The following TRAP1 variants were observed in gnomAD, a reference collection of about 807,000 sequenced individuals.
TRAP1 encodes the protein heat shock protein 75 kDa, mitochondrial.
In TRAP1, 102 loss-of-function variants were observed where a neutral mutation model predicts 89.1. The ratio of observed to expected loss-of-function variants is 1.15; its 90% confidence interval spans 0.98 to 1.35. The LOEUF is 1.35. TRAP1 is among the 40% of genes most tolerant of loss of function. The pLI, the probability that TRAP1 is intolerant of heterozygous loss-of-function variation, is 0.00. For synonymous variants in TRAP1, 508 were observed against 388.0 expected, an observed-to-expected ratio of 1.31 and a Z score of -3.64; for missense variants, 1,256 against 945.3, an observed-to-expected ratio of 1.33 and a Z score of -4.31.
chr16:3,663,409 G>A lies in TRAP1; in HGVS notation c.1708+15C>T, dbSNP rs1355096247. On this transcript the variant is annotated intron_variant, in intron 14 of 17. Transcript: ENST00000246957. The stretch of plus-strand genomic sequence containing the variant: ...TGGAAACCAGCCCCACGCCTAGAGA[G>A]CAGGGGATGCCGACCTGGGGACCTG... The A allele has an allele frequency of 6.2e-7, 1 of 1,614,052 alleles. No individual in the cohort carries two copies. The highest frequency in any genetic ancestry group is 1.1e-5 in the South Asian group (1 of 91,090).
intron 7 of TRAP1, 79 bp downstream of exon 7, chr16:3,675,957 G>C (rs1567231200): frequency 1.6e-6 from 2 of 1,286,084 alleles, no homozygotes; most frequent in Admixed American, 4.0e-5. Flanking sequence ...GGTAGAACCA[G>C]GGAAAATGCC....
At chr16:3,673,843 G>C (rs959007867) in intron 9 of TRAP1, among the ~76,000 whole-genome samples, 2 of 147,606 alleles carry the variant, frequency 1.4e-5, no homozygotes, top group African/African-American at 5.1e-5. Flanking sequence ...GGAGGGTGTG[G>C]AGGAAGCACA....
chr16:3,659,289 C>G, intron 16 of TRAP1: 1 of 166,062 alleles, frequency 6.0e-6, no homozygotes, highest in South Asian at 1.5e-4. Flanking sequence ...CACTGAGTGT[C>G]TGATGAGGAC....
chr16:3,662,282 AC>A, intron 15 of TRAP1, 150 bp from the exon 16 acceptor site: 1 of 927,772 alleles, frequency 1.1e-6, no homozygotes, highest in Non-Finnish European at 1.6e-6. Context: ...CCTCCCCATT[AC>A]CCACTAACTT....
chr16:3,713,354 A>C (rs1362983676), intron 1 of TRAP1, among the ~76,000 whole-genome samples: 1 of 152,204 alleles, frequency 6.6e-6, no homozygotes. Flanking sequence ...AGCGGGGTCC[A>C]GGTGAGGCTC....
At chr16:3,695,697 A>G (rs887437730) in intron 1 of TRAP1, among the ~76,000 whole-genome samples, 1 of 152,160 alleles carries the variant, frequency 6.6e-6, no homozygotes, top group African/African-American at 2.4e-5. Flanking sequence ...GACTTCAGAA[A>G]ATAGCACTTT....
intron 1 of TRAP1, among the ~76,000 whole-genome samples, chr16:3,714,711 AG>A (rs1416525960): frequency 6.6e-6 from 1 of 152,142 alleles, no homozygotes; most frequent in East Asian, 1.9e-4. Context: ...TGGCAGTGTC[AG>A]GGGTCAGTGA....
intron 1 of TRAP1, among the ~76,000 whole-genome samples, chr16:3,709,391 A>C (rs1302473328): frequency 1.3e-5 from 2 of 152,212 alleles, no homozygotes; most frequent in African/African-American, 4.8e-5. Context: ...TCACTACCAG[A>C]TTGACAGATG....
intron 14 of TRAP1, chr16:3,663,176 A>C: frequency 1.5e-6 from 1 of 660,046 alleles, no homozygotes; most frequent in African/African-American, 1.8e-5. Flanking sequence ...CTTTAAAAAA[A>C]TACACAGCCT....
Position 3,717,517 on chromosome 16 carries a change from C to A in TRAP1, c.-9G>T. The A allele has an allele frequency of 7.4e-7, 1 of 1,357,244 alleles. No individual in the cohort carries two copies. Among genetic ancestry groups the A allele is most frequent in the South Asian group, 1.7e-5 (1 of 59,588 alleles). The allele number at this position is 1,357,244 out of a possible 1,614,324, so 84.1% of individuals were successfully genotyped here. Reference sequence around the variant, plus strand: ...CGCAGCTCGCGCGCCATGTCGTACTCCCAGAGCGCCGCGCGCAGCCACGCG... The same window carrying A: ...CGCAGCTCGCGCGCCATGTCGTACTACCAGAGCGCCGCGCGCAGCCACGCG... On this transcript the variant is annotated 5_prime_UTR_variant, in exon 1 of 18. Transcript: ENST00000246957.
chr16:3,686,228 G>T, intron 3 of TRAP1, 92 bp from the exon 4 acceptor site: 1 of 1,424,696 alleles, frequency 7.0e-7, no homozygotes, highest in South Asian at 1.3e-5. Context: ...ACTGTTAAAA[G>T]GTAGAGGAGA....
intron 1 of TRAP1, among the ~76,000 whole-genome samples, 157 bp downstream of exon 1, chr16:3,717,264 G>A (rs1210762453): frequency 6.6e-6 from 1 of 152,236 alleles, no homozygotes; most frequent in African/African-American, 2.4e-5. Context: ...CTGGCGAGGA[G>A]CGGAGCGAAA....
chr16:3,660,442 C>T (rs2043006825), intron 16 of TRAP1: 1 of 152,244 alleles, frequency 6.6e-6, no homozygotes, highest in Admixed American at 6.5e-5. Flanking sequence ...TGGTACACTC[C>T]AGCCTAGGTG....
chr16:3,679,373 T>C (rs1412836603), intron 5 of TRAP1, among the ~76,000 whole-genome samples: 3 of 152,168 alleles, frequency 2.0e-5, no homozygotes, highest in Non-Finnish European at 2.9e-5. Context: ...ATGTTATATC[T>C]ATATCTAGCA....
chr16:3,696,778 G>A (rs2051293233), intron 1 of TRAP1, among the ~76,000 whole-genome samples: 1 of 150,862 alleles, frequency 6.6e-6, no homozygotes, highest in Non-Finnish European at 1.5e-5. Flanking sequence ...CCAGGCTGAA[G>A]TGCAGTAGAG....
At chr16:3,691,381 T>A (rs1419320227) in intron 1 of TRAP1, among the ~76,000 whole-genome samples, 2 of 152,176 alleles carry the variant, frequency 1.3e-5, no homozygotes, top group Non-Finnish European at 2.9e-5. Flanking sequence ...CATGCCCCCA[T>A]AATTTTTTAA....
In TRAP1 at chr16:3,690,948, C is replaced by A; in HGVS notation, c.126G>T (p.Gln42His). The A allele has an allele frequency of 1.3e-6, 2 of 1,580,578 alleles. No individual in the cohort carries two copies. Among genetic ancestry groups the A allele is most frequent in the Non-Finnish European group, 1.7e-6 (2 of 1,164,800 alleles). ...AGGCTGGGTTTCGCCTGGGGCCCAA[C>A]TGGGCTGTGGTCCTCCGAGGACACA... ...PILCPRRTTA[Q>H]LGPRRNPAWS... Residue 42 changes from glutamine (Q) to histidine (H), a missense_variant, in exon 2 of 18, where the codon CAG becomes CAT. Physicochemically the swap from Gln to His is conservative, Grantham distance 24. Transcript: ENST00000246957.
Position 3,717,465 on chromosome 16 carries a change from A to C in TRAP1, c.44T>G (p.Leu15Arg). The C allele has an allele frequency of 7.7e-7, 1 of 1,301,432 alleles. No individual in the cohort carries two copies. Among genetic ancestry groups the C allele is most frequent in the East Asian group, 3.2e-5 (1 of 30,820 alleles). The allele number at this position is 1,301,432 out of a possible 1,614,324, so 80.6% of individuals were successfully genotyped here. ...LRALLLWGRR[L>R]RPLLRAPALA... is the part of the protein sequence containing the mutation. ...CGCCGGCGCCCGCAGCAAAGGCCGCAGGCGGCGGCCCCACAGCAGCAGCGC... is the reference window on the plus strand; with the variant it reads ...CGCCGGCGCCCGCAGCAAAGGCCGCCGGCGGCGGCCCCACAGCAGCAGCGC... The change falls in exon 1 of 18, where the codon CTG becomes CGG. Residue 15 changes from leucine to arginine, a missense_variant. Coordinates refer to ENST00000246957, the MANE Select transcript of TRAP1 (RefSeq NM_016292.3).
chr16:3,664,216 G>A (rs1218335909), intron 13 of TRAP1, 58 bp downstream of exon 13: 3 of 1,472,372 alleles, frequency 2.0e-6, no homozygotes, highest in South Asian at 1.4e-5. Context: ...AGCTGAGAAG[G>A]TCAAGACCCT....
Sources: allele counts gnomAD v4.1 joint callset (sites outside exome capture counted in the v4.1 genomes callset), GRCh38; gene constraint gnomAD v4.1.1; transcripts MANE v1.5; gene names NCBI Gene and HGNC (gene_info 2026-07-23, HGNC 2026-07-21).